Variants in GRM4 observed in about 807,000 individuals in gnomAD.
The protein encoded by GRM4 is glutamate metabotropic receptor 4, also known as metabotropic glutamate receptor 4.
A neutral mutation model predicts 81.7 loss-of-function variants in GRM4; 28 were observed. The observed-to-expected ratio is 0.34, with a 90% CI of 0.25 to 0.47. The LOEUF is 0.47. Ranked by LOEUF, GRM4 falls within the 20% of genes least tolerant of loss-of-function variation. The pLI, the probability that GRM4 is intolerant of heterozygous loss-of-function variation, is 1.00. For synonymous variants in GRM4, 488 were observed against 528.8 expected, an observed-to-expected ratio of 0.92 and a Z score of 1.06; for missense variants, 948 against 1,290.0, an observed-to-expected ratio of 0.73 and a Z score of 4.06.
At chr6:34,147,266 A>G (rs567171264), upstream of GRM4, among the ~76,000 whole-genome samples, 92 of 152,250 alleles carry the variant, frequency 6.0e-4, no homozygotes, top group Non-Finnish European at 9.7e-4. Flanking sequence ...TCTAGGTGTA[A>G]ACACACGACT....
chr6:34,098,494 C>G (rs543511586), intron 2 of GRM4, among the ~76,000 whole-genome samples: 1 of 152,326 alleles, frequency 6.6e-6, no homozygotes, highest in African/African-American at 2.4e-5. Flanking sequence ...CCTCTGGCCA[C>G]CAGCCTAGGC....
At chr6:34,046,746 T>A (rs1047858732) in intron 6 of GRM4, among the ~76,000 whole-genome samples, 7 of 152,138 alleles carry the variant, frequency 4.6e-5, no homozygotes, top group African/African-American at 1.4e-4. Context: ...ACATGTGCAG[T>A]CAAGCATCGA....
chr6:34,087,799 T>TACACACACACACACACACAC (rs71000022), intron 3 of GRM4, among the ~76,000 whole-genome samples: 1,284 of 88,366 alleles, frequency 0.015, 103 homozygotes, highest in Admixed American at 0.031. Context: ...CATGCACCCC[T>TACACACACACACACACACAC]ACACACACAC....
chr6:34,154,355 C>T (rs945880162), intron 1 of GRM4, among the ~76,000 whole-genome samples: 2 of 152,186 alleles, frequency 1.3e-5, no homozygotes, highest in African/African-American at 4.8e-5. Flanking sequence ...ACCTTCTCTT[C>T]GGCACCCAAA....
At chr6:34,038,127 T>C (rs1426500767) in intron 8 of GRM4, among the ~76,000 whole-genome samples, 2 of 152,164 alleles carry the variant, frequency 1.3e-5, no homozygotes, top group African/African-American at 2.4e-5. Flanking sequence ...CACGGGGCGA[T>C]GGTGAGTGTT....
chr6:34,128,567 G>A (rs1051347618), intron 2 of GRM4, among the ~76,000 whole-genome samples: 2 of 151,708 alleles, frequency 1.3e-5, no homozygotes, highest in Non-Finnish European at 2.9e-5. Context: ...TAGTAGAGAC[G>A]GGGTTTTACC....
intron 3 of GRM4, among the ~76,000 whole-genome samples, chr6:34,065,161 C>T (rs1322422893): frequency 6.6e-6 from 1 of 152,100 alleles, no homozygotes. Context: ...ACAGAATGCA[C>T]GCACTGGCAC....
At chr6:34,027,111 C>T (rs1764170019) in intron 10 of GRM4, among the ~76,000 whole-genome samples, 1 of 152,114 alleles carries the variant, frequency 6.6e-6, no homozygotes, top group South Asian at 2.1e-4. Context: ...CGAAGGGAAC[C>T]CCAGGGTCGT....
chr6:34,126,487 C>G (rs551879053), intron 2 of GRM4, among the ~76,000 whole-genome samples: 4 of 152,264 alleles, frequency 2.6e-5, no homozygotes, highest in Admixed American at 1.3e-4. Context: ...ACATGGCAAT[C>G]CCCCCTGACT....
At chr6:34,137,384 T>C (rs1399471850) in intron 1 of GRM4, among the ~76,000 whole-genome samples, 1 of 152,174 alleles carries the variant, frequency 6.6e-6, no homozygotes, top group Admixed American at 6.5e-5. Context: ...CCAACAGTGT[T>C]TTCCAGAACA....
rs1385595773 is a variant in GRM4, at chr6:34,070,085, G to T, written c.737-8057C>A. 6.6e-6 allele frequency among the ~76,000 whole-genome samples: 1 copy of T among 152,180 alleles called. No homozygotes were observed. The highest frequency in any genetic ancestry group is 2.4e-5 in the African/African-American group (1 of 41,454). On this transcript the variant is annotated intron_variant, in intron 3 of 10. Transcript: ENST00000538487. This position sits in a 1 kb window ranked among gnomAD's most constrained non-coding sequence, Gnocchi z 4.6. Reference sequence around the variant, plus strand: ...CTCGGCAGGAGCTGCCAGCATGGGCGTGAGGGCAGAGGCTCTGTAGGAGTT... The same window carrying T: ...CTCGGCAGGAGCTGCCAGCATGGGCTTGAGGGCAGAGGCTCTGTAGGAGTT...
At chr6:34,085,008 T>C (rs1028247821) in intron 3 of GRM4, among the ~76,000 whole-genome samples, 9 of 152,190 alleles carry the variant, frequency 5.9e-5, no homozygotes, top group African/African-American at 2.2e-4. Context: ...TGGCTGTGCA[T>C]GGCTCCTCTC....
chr6:34,148,131 G>A (rs988627415), upstream of GRM4, among the ~76,000 whole-genome samples: 29 of 151,198 alleles, frequency 1.9e-4, no homozygotes, highest in African/African-American at 5.6e-4. Context: ...CTGTTGGCTG[G>A]CAGATGGCTG....
rs1001626186 is a variant in GRM4, at chr6:34,069,994, G to A, written c.737-7966C>T. On this transcript the variant is annotated intron_variant, in intron 3 of 10. Coordinates refer to ENST00000538487, the MANE Select transcript of GRM4 (RefSeq NM_000841.4). The surrounding 1 kb of genome is among the most constrained non-coding windows in gnomAD (Gnocchi z 6.4). ...ACGTGCGGGGCCTGCCCAGGACGGC[G>A]GTAATCCACACTTGCTGGACGAATG... Among the ~76,000 whole-genome samples the A allele has an allele frequency of 3.9e-5, 6 of 152,184 alleles. No individual in the cohort carries two copies. The highest frequency in any genetic ancestry group is 1.4e-4 in the African/African-American group (6 of 41,426).
At position 34,090,360 on chromosome 6, in the gene GRM4, G is replaced by C. The variant is rs1768135962; in HGVS notation, c.736+1523C>G. 6.6e-6 allele frequency among the ~76,000 whole-genome samples: 1 copy of C among 152,196 alleles called. No homozygotes were observed. The highest frequency in any genetic ancestry group is 1.5e-5 in the Non-Finnish European group (1 of 68,028). ...GAGTTGAAGCCACAGAGGAGGAAAG[G>C]AGCCAGCAGAGCAGAGTGGGAGGTG... On this transcript the variant is annotated intron_variant, in intron 3 of 10. Coordinates refer to ENST00000538487, the MANE Select transcript of GRM4 (RefSeq NM_000841.4). This position sits in a 1 kb window ranked among gnomAD's most constrained non-coding sequence, Gnocchi z 5.2.
chr6:34,083,872 T>C (rs1767741720), intron 3 of GRM4, among the ~76,000 whole-genome samples: 1 of 152,156 alleles, frequency 6.6e-6, no homozygotes, highest in Non-Finnish European at 1.5e-5. Flanking sequence ...GGTCATCTGA[T>C]GAGGTGGGAG....
At chr6:34,135,260 C>A (rs1368313531) in intron 1 of GRM4, among the ~76,000 whole-genome samples, 4 of 152,192 alleles carry the variant, frequency 2.6e-5, no homozygotes, top group African/African-American at 9.7e-5. Context: ...GGGAAGGAAG[C>A]TGCAGTGCCC....
chr6:34,044,238 AT>A (rs1200499038), intron 6 of GRM4, among the ~76,000 whole-genome samples: 2 of 151,094 alleles, frequency 1.3e-5, no homozygotes, highest in East Asian at 1.9e-4. Context: ...AGACACACAC[AT>A]ACACACACAG....
At chr6:34,027,455 G>C (rs1303898009) in intron 10 of GRM4, among the ~76,000 whole-genome samples, 2 of 152,102 alleles carry the variant, frequency 1.3e-5, no homozygotes, top group African/African-American at 4.8e-5. Context: ...GGTCTCCCCG[G>C]ACAGTCCCCC....
Sources: allele counts gnomAD v4.1 joint callset (sites outside exome capture counted in the v4.1 genomes callset), GRCh38; gene constraint gnomAD v4.1.1; non-coding constraint Gnocchi (gnomAD v3.1); transcripts MANE v1.5; gene names NCBI Gene and HGNC (gene_info 2026-07-23, HGNC 2026-07-21).